Variants in WWOX observed in about 807,000 individuals in gnomAD.
The protein encoded by WWOX is WW domain-containing oxidoreductase.
Under a neutral mutation model 46.2 loss-of-function variants are expected in WWOX, and 69 were observed. The observed-to-expected ratio is 1.49, with a 90% CI of 1.23 to 1.82. The LOEUF (loss-of-function observed/expected upper bound fraction) is 1.82. Among genes scored for constraint, WWOX ranks in the 40% most tolerant of loss-of-function variants. The probability of loss-of-function intolerance (pLI) is 0.00; values close to 1 mark genes in which losing one functional copy is unlikely to be tolerated. For missense variants in WWOX, 919 were observed against 542.6 expected, an observed-to-expected ratio of 1.69 and a Z score of -6.89; for synonymous variants, 359 against 202.6, an observed-to-expected ratio of 1.77 and a Z score of -6.56.
chr16:78,216,994 A>G (rs1242152124), intron 5 of WWOX, among the ~76,000 whole-genome samples: 1 of 152,130 alleles, frequency 6.6e-6, no homozygotes, highest in African/African-American at 2.4e-5. Context: ...AACTGCCGGG[A>G]TTACAGGTGT....
chr16:78,483,100 C>G (rs2084536530), intron 8 of WWOX, among the ~76,000 whole-genome samples: 1 of 152,136 alleles, frequency 6.6e-6, no homozygotes, highest in Non-Finnish European at 1.5e-5. Context: ...CCATATTTTG[C>G]AAAGTCAAGT....
At chr16:78,964,483 G>T (rs1450238723) in intron 8 of WWOX, among the ~76,000 whole-genome samples, 1 of 152,198 alleles carries the variant, frequency 6.6e-6, no homozygotes, top group African/African-American at 2.4e-5. Context: ...AGGGTATCTG[G>T]CCGAAGAAAT....
intron 8 of WWOX, among the ~76,000 whole-genome samples, chr16:78,759,230 T>A (rs74033559): frequency 0.038 from 5,764 of 152,228 alleles, 338 homozygotes; most frequent in African/African-American, 0.13. Flanking sequence ...TGGGAACCCA[T>A]TTCAGGTGAA....
At chr16:78,647,249 G>A (rs778570234) in intron 8 of WWOX, among the ~76,000 whole-genome samples, 1 of 152,156 alleles carries the variant, frequency 6.6e-6, no homozygotes, top group Non-Finnish European at 1.5e-5. Flanking sequence ...AGAGGGCAGG[G>A]CTGTTTCCCC....
intron 5 of WWOX, among the ~76,000 whole-genome samples, chr16:78,192,361 C>T (rs572864998): frequency 3.3e-4 from 50 of 151,912 alleles, no homozygotes; most frequent in African/African-American, 9.2e-4. Context: ...CTTGGTGGCA[C>T]GTGCCTGTAG....
At chr16:78,826,934 A>T (rs928512663) in intron 8 of WWOX, among the ~76,000 whole-genome samples, 3 of 152,122 alleles carry the variant, frequency 2.0e-5, no homozygotes, top group Non-Finnish European at 4.4e-5. Flanking sequence ...CCGGACACCA[A>T]GCTATTACAT....
Position 78,915,992 on chromosome 16 carries a change from C to G in WWOX, c.1057-295616C>G, listed in dbSNP as rs147607233. ...TAGATGATAGTGGGGCCTCAGATTT[C>G]CCACCTATTGTTTTGAACTCTAATT... On this transcript the variant is annotated intron_variant, in intron 8 of 8. Coordinates refer to ENST00000566780, the MANE Select transcript of WWOX (RefSeq NM_016373.4). Among the ~76,000 whole-genome samples the G allele has an allele frequency of 2.3e-3, 355 of 152,334 alleles. 1 individual carries two copies. Among genetic ancestry groups the G allele is most frequent in the Middle Eastern group, 6.8e-3 (2 of 294 alleles).
chr16:78,187,187 C>T (rs144861563), intron 5 of WWOX, among the ~76,000 whole-genome samples: 1 of 152,264 alleles, frequency 6.6e-6, no homozygotes, highest in African/African-American at 2.4e-5. Flanking sequence ...AAGTTAGTAC[C>T]AAATGATGCT....
chr16:78,529,813 A>G (rs1023267910), intron 8 of WWOX, among the ~76,000 whole-genome samples: 2 of 152,196 alleles, frequency 1.3e-5, no homozygotes, highest in Admixed American at 6.5e-5. Context: ...AGGATTATAA[A>G]GGGAGCCAGC....
intron 8 of WWOX, among the ~76,000 whole-genome samples, chr16:78,853,294 C>T (rs989199062): frequency 4.6e-5 from 7 of 152,054 alleles, no homozygotes; most frequent in Non-Finnish European, 1.0e-4. Flanking sequence ...GATCTCGGCT[C>T]ACTGCAACCT....
At chr16:78,938,741 G>A (rs1002194371) in intron 8 of WWOX, among the ~76,000 whole-genome samples, 1 of 152,164 alleles carries the variant, frequency 6.6e-6, no homozygotes, top group Non-Finnish European at 1.5e-5. Flanking sequence ...GAATGAATGA[G>A]TGAGCAAGAT....
intron 8 of WWOX, among the ~76,000 whole-genome samples, chr16:79,134,824 G>A (rs537950676): frequency 6.6e-6 from 1 of 152,166 alleles, no homozygotes; most frequent in African/African-American, 2.4e-5. Flanking sequence ...TTTGACACGG[G>A]ATGGCCTAAT....
intron 5 of WWOX, among the ~76,000 whole-genome samples, chr16:78,207,760 A>G (rs906143445): frequency 1.9e-5 from 2 of 106,240 alleles, no homozygotes; most frequent in African/African-American, 8.0e-5. Flanking sequence ...AGACCCTATT[A>G]CAAAAAAAAA....
intron 8 of WWOX, among the ~76,000 whole-genome samples, chr16:78,640,728 C>G (rs2046686837): frequency 6.6e-6 from 1 of 151,936 alleles, no homozygotes; most frequent in East Asian, 1.9e-4. Flanking sequence ...TGCCTGAGCT[C>G]AGGAGTTGAA....
chr16:79,118,717 C>T (rs765896562), intron 8 of WWOX, among the ~76,000 whole-genome samples: 1 of 152,200 alleles, frequency 6.6e-6, no homozygotes, highest in African/African-American at 2.4e-5. Flanking sequence ...CCATGCCTGC[C>T]TTCCAGTCTT....
intron 8 of WWOX, among the ~76,000 whole-genome samples, chr16:78,636,120 T>C (rs2151667592): frequency 6.6e-6 from 1 of 152,314 alleles, no homozygotes; most frequent in East Asian, 1.9e-4. Context: ...AGGCTCTTGC[T>C]ATTAAGAGTT....
rs74035001 is a variant in WWOX at position 79,134,807 on chromosome 16, C to G, written c.1057-76801C>G. Among the ~76,000 whole-genome samples, 1,316 of 152,272 alleles carry G rather than the reference C, an allele frequency of 8.6e-3. 16 individuals are homozygous for G. The highest frequency in any genetic ancestry group is 0.03 in the African/African-American group (1,252 of 41,552). The stretch of plus-strand genomic sequence containing the variant: ...CAGGGATGGCTCCAGTTGCCTGTTT[C>G]TTTTCATTTGACACGGGATGGCCTA... On this transcript the variant is annotated intron_variant, in intron 8 of 8. Transcript: ENST00000566780.
At chr16:78,737,604 A>T (rs1242736240) in intron 8 of WWOX, among the ~76,000 whole-genome samples, 3 of 152,114 alleles carry the variant, frequency 2.0e-5, no homozygotes, top group African/African-American at 7.2e-5. Context: ...CTTCTCCCTG[A>T]GTTCCCAAAG....
chr16:78,159,416 A>T (rs898420091), intron 4 of WWOX, among the ~76,000 whole-genome samples: 2 of 152,120 alleles, frequency 1.3e-5, no homozygotes, highest in African/African-American at 4.8e-5. Flanking sequence ...GGTTGCACCA[A>T]TTTACATTCC....
Sources: gnomAD v4.1 joint callset for allele counts (sites outside exome capture counted in the v4.1 genomes callset) on GRCh38, gnomAD v4.1.1 for gene constraint, MANE v1.5 for transcripts, NCBI Gene and HGNC (gene_info 2026-07-23, HGNC 2026-07-21) for gene names.